Variants in ZNF143 observed in about 807,000 individuals in gnomAD.
The protein encoded by ZNF143 is SPH-binding factor.
A neutral mutation model predicts 74.1 loss-of-function variants in ZNF143; 49 were observed. The ratio of observed to expected loss-of-function variants is 0.66; its 90% CI spans 0.53 to 0.84. ZNF143 has a LOEUF of 0.84. ZNF143 is among the 40% of genes least tolerant of loss of function. The pLI is 0.00. For missense variants in ZNF143, 637 were observed against 793.4 expected (o/e 0.80, Z 2.37); for synonymous variants, 304 against 282.8 (o/e 1.07, Z -0.75).
intron 5 of ZNF143, among the ~76,000 whole-genome samples, chr11:9,477,626 C>G (rs1237373578): frequency 1.3e-5 from 2 of 152,028 alleles, no homozygotes; most frequent in African/African-American, 4.8e-5. Context: ...ATTTCACTAT[C>G]TCTATATATA....
chr11:9,479,580 G>C, intron 7 of ZNF143, 34 bp downstream of exon 7: 1 of 1,575,324 alleles, frequency 6.3e-7, no homozygotes, highest in Non-Finnish European at 8.7e-7. Flanking sequence ...TAAAAATCTA[G>C]CTTAGCATTT....
At chr11:9,521,898 C>G (rs1848943399) in intron 14 of ZNF143, among the ~76,000 whole-genome samples, 1 of 151,776 alleles carries the variant, frequency 6.6e-6, no homozygotes, top group Non-Finnish European at 1.5e-5. Flanking sequence ...GAAACCCCAT[C>G]TCTACTAAAA....
chr11:9,511,448 C>T (rs1212662386), intron 12 of ZNF143, among the ~76,000 whole-genome samples: 1 of 151,610 alleles, frequency 6.6e-6, no homozygotes, highest in Non-Finnish European at 1.5e-5. Flanking sequence ...AGGCGCCTGC[C>T]ACCATGCCCG....
chr11:9,473,486 A>G (rs1409990674), intron 3 of ZNF143, among the ~76,000 whole-genome samples: 1 of 152,026 alleles, frequency 6.6e-6, no homozygotes, highest in East Asian at 1.9e-4. Context: ...GTCCTCAAAA[A>G]CTCTTTGTTT....
At chr11:9,496,203 A>C (rs1164530887) in intron 8 of ZNF143, 100 bp from the exon 9 acceptor site, 2 of 1,014,274 alleles carry the variant, frequency 2.0e-6, no homozygotes, top group Non-Finnish European at 3.0e-6. Context: ...AGCATACAAC[A>C]AAATCATTTA....
At chr11:9,480,745 G>T (rs1847201683) in intron 7 of ZNF143, among the ~76,000 whole-genome samples, 1 of 152,010 alleles carries the variant, frequency 6.6e-6, no homozygotes, top group African/African-American at 2.4e-5. Flanking sequence ...AAATTAGCCA[G>T]GTGTGGTGGC....
intron 2 of ZNF143, 89 bp downstream of exon 2, chr11:9,471,509 C>A: frequency 1.0e-6 from 1 of 954,670 alleles, no homozygotes; most frequent in Non-Finnish European, 1.5e-6. Context: ...CCTGATTTAG[C>A]AGAAAACAAT....
intron 1 of ZNF143, 58 bp downstream of exon 1, chr11:9,461,134 C>G: frequency 3.1e-6 from 3 of 972,074 alleles, no homozygotes; most frequent in Non-Finnish European, 3.7e-6. Context: ...GGCCGCCGCC[C>G]TCAGCGCGGC....
intron 6 of ZNF143, among the ~76,000 whole-genome samples, chr11:9,479,053 T>C (rs552576958): frequency 6.7e-6 from 1 of 149,182 alleles, no homozygotes; most frequent in East Asian, 2.0e-4. Context: ...AAGTAAAGTC[T>C]CAAGTTTTAT....
intron 7 of ZNF143, among the ~76,000 whole-genome samples, chr11:9,484,800 A>ATTTTTTTTTTTTTTTTTTTTTTTTT (rs1381085964): frequency 3.0e-5 from 2 of 67,008 alleles, no homozygotes; most frequent in African/African-American, 6.8e-5. Flanking sequence ...CTGGCCAAAG[A>ATTTTTTTTTTTTTTTTTTTTTTTTT]TTTTTTTTTT....
At chr11:9,502,075 T>A (rs1458737169) in intron 11 of ZNF143, among the ~76,000 whole-genome samples, 3 of 149,546 alleles carry the variant, frequency 2.0e-5, no homozygotes, top group Non-Finnish European at 4.4e-5. Context: ...TAACTGGGAT[T>A]ACAGGCATGT....
intron 2 of ZNF143, among the ~76,000 whole-genome samples, chr11:9,472,442 C>CG (rs1048816750): frequency 6.6e-6 from 1 of 152,016 alleles, no homozygotes; most frequent in African/African-American, 2.4e-5. Flanking sequence ...TTAGTAGAGA[C>CG]GGGGTTTCAC....
At chr11:9,464,124 A>G (rs1198133594) in intron 1 of ZNF143, among the ~76,000 whole-genome samples, 2 of 150,354 alleles carry the variant, frequency 1.3e-5, no homozygotes, top group African/African-American at 2.4e-5. Context: ...GTATTTGTGT[A>G]TAGATATTAA....
intron 3 of ZNF143, among the ~76,000 whole-genome samples, chr11:9,473,195 A>G (rs888741660): frequency 2.0e-5 from 3 of 152,050 alleles, no homozygotes; most frequent in African/African-American, 7.2e-5. Flanking sequence ...GTTCGAGACC[A>G]GCCTGACCAA....
chr11:9,475,863 A>C (rs1856845649), intron 5 of ZNF143, among the ~76,000 whole-genome samples: 1 of 149,902 alleles, frequency 6.7e-6, no homozygotes, highest in Non-Finnish European at 1.5e-5. Flanking sequence ...GTGCCACTGC[A>C]CTCCAGCCTG....
chr11:9,490,355 T>G (rs956556448), intron 7 of ZNF143, among the ~76,000 whole-genome samples: 37 of 130,306 alleles, frequency 2.8e-4, no homozygotes, highest in Non-Finnish European at 3.9e-4. Context: ...AGTGGCACAA[T>G]CTTGGCTCAC....
intron 8 of ZNF143, among the ~76,000 whole-genome samples, chr11:9,495,440 C>CAATA (rs1176732386): frequency 1.3e-5 from 2 of 152,076 alleles, no homozygotes; most frequent in Non-Finnish European, 1.5e-5. Flanking sequence ...AACTCCATCT[C>CAATA]AATAAATAAA....
intron 7 of ZNF143, among the ~76,000 whole-genome samples, chr11:9,488,825 G>T (rs563599428): frequency 6.6e-6 from 1 of 152,116 alleles, no homozygotes; most frequent in African/African-American, 2.4e-5. Context: ...ATGATGGAGG[G>T]ATAGGTATAA....
chr11:9,512,072 C>T (rs1018033344), intron 12 of ZNF143, among the ~76,000 whole-genome samples: 2 of 152,000 alleles, frequency 1.3e-5, no homozygotes, highest in Non-Finnish European at 2.9e-5. Context: ...TAAGTGAATG[C>T]GAGAATTTAG....
Sources: allele counts gnomAD v4.1 joint callset (sites outside exome capture counted in the v4.1 genomes callset), GRCh38; gene constraint gnomAD v4.1.1; transcripts MANE v1.5; gene names NCBI Gene and HGNC (gene_info 2026-07-23, HGNC 2026-07-21).